Variants in SAMMSON observed in about 807,000 individuals in gnomAD.
SAMMSON encodes long intergenic non-protein coding RNA 1212.
At chr3:70,403,360 T>C (rs1036603233) in intron 2 of SAMMSON, among the ~76,000 whole-genome samples, 61 of 152,092 alleles carry the variant, frequency 4.0e-4, no homozygotes, top group African/African-American at 1.4e-3. Context: ...GGCACAAAAA[T>C]GGATTAACGT....
intron 7 of SAMMSON, among the ~76,000 whole-genome samples, chr3:70,314,890 A>G (rs559701180): frequency 5.9e-5 from 9 of 152,184 alleles, no homozygotes; most frequent in African/African-American, 2.2e-4. Flanking sequence ...GTTCATTTTT[A>G]TATACTTGTA....
chr3:70,207,899 A>G (rs1274118598), intron 4 of SAMMSON, among the ~76,000 whole-genome samples: 3 of 152,034 alleles, frequency 2.0e-5, no homozygotes, highest in South Asian at 2.1e-4. Context: ...TTCTCCTGCC[A>G]TGTAATGATT....
chr3:70,244,926 A>G (rs1701692652), intron 4 of SAMMSON, among the ~76,000 whole-genome samples: 1 of 152,204 alleles, frequency 6.6e-6, no homozygotes, highest in South Asian at 2.1e-4. Flanking sequence ...TCAGGACTAT[A>G]AATTCTGAAT....
chr3:70,351,004 G>A (rs114410778), intron 7 of SAMMSON, among the ~76,000 whole-genome samples: 255 of 152,262 alleles, frequency 1.7e-3, no homozygotes, highest in Non-Finnish European at 2.3e-3. Flanking sequence ...GCCTTGAGCA[G>A]TGGTTCTATA....
chr3:70,039,978 C>T (rs750970235), intron 3 of SAMMSON, among the ~76,000 whole-genome samples: 1 of 152,182 alleles, frequency 6.6e-6, no homozygotes, highest in Non-Finnish European at 1.5e-5. Context: ...ATTGTCAGTT[C>T]TTGCAAAGCT....
At chr3:70,418,594 A>T (rs1312854089) in intron 2 of SAMMSON, among the ~76,000 whole-genome samples, 3 of 152,156 alleles carry the variant, frequency 2.0e-5, no homozygotes, top group Non-Finnish European at 2.9e-5. Flanking sequence ...TAGACACTAC[A>T]ATTCCAACAG....
Position 70,310,798 on chromosome 3 carries a change from G to C in SAMMSON, n.739+19555G>C, listed in dbSNP as rs1702447399. Among the ~76,000 whole-genome samples, 3 of 152,156 alleles carry C rather than the reference G, an allele frequency of 2.0e-5. No homozygotes were observed. The South Asian group carries it at 6.2e-4, about 31-fold the overall frequency. On this transcript the variant is annotated intron_variant and non_coding_transcript_variant, in intron 7 of 9. Coordinates refer to ENST00000642114, the Ensembl canonical transcript of SAMMSON. ...CATTTTTGAGCACAGATCATGTTCT[G>C]ACGAGTAACTTAAACATTTTTTTTC... is the stretch of plus-strand genomic sequence containing the variant.
At chr3:70,231,360 C>T (rs1701558585) in intron 4 of SAMMSON, among the ~76,000 whole-genome samples, 1 of 152,204 alleles carries the variant, frequency 6.6e-6, no homozygotes, top group Admixed American at 6.5e-5. Context: ...TCTCTGGGAT[C>T]AAGCTGTCAA....
intron 7 of SAMMSON, among the ~76,000 whole-genome samples, chr3:70,292,203 G>A (rs543670451): frequency 5.0e-4 from 76 of 152,288 alleles, no homozygotes; most frequent in African/African-American, 1.7e-3. Context: ...ATGAATTGGA[G>A]ATAATAATAC....
At chr3:70,358,679 T>G (rs74570190) in intron 9 of SAMMSON, among the ~76,000 whole-genome samples, 4 of 144,530 alleles carry the variant, frequency 2.8e-5, no homozygotes, top group Non-Finnish European at 6.2e-5. Flanking sequence ...ATATCTTCTG[T>G]TTTTTTTTCT....
At chr3:70,110,760 G>C (rs1353577255) in intron 4 of SAMMSON, among the ~76,000 whole-genome samples, 1 of 152,272 alleles carries the variant, frequency 6.6e-6, no homozygotes, top group East Asian at 1.9e-4. Flanking sequence ...GATGAGGGCG[G>C]TGGTGAAAAG....
At chr3:70,356,489 T>C (rs1702830061) in intron 8 of SAMMSON, among the ~76,000 whole-genome samples, 1 of 152,114 alleles carries the variant, frequency 6.6e-6, no homozygotes. Context: ...ATTTTAAAAT[T>C]TTCTTGATAA....
At chr3:70,132,200 C>T (rs1354345685) in intron 4 of SAMMSON, among the ~76,000 whole-genome samples, 1 of 152,050 alleles carries the variant, frequency 6.6e-6, no homozygotes, top group South Asian at 2.1e-4. Flanking sequence ...TGATGCTGCC[C>T]CTCCTTTTTG....
chr3:70,213,567 G>C (rs1701370755), intron 4 of SAMMSON, among the ~76,000 whole-genome samples: 1 of 152,080 alleles, frequency 6.6e-6, no homozygotes, highest in Non-Finnish European at 1.5e-5. Flanking sequence ...ACATTTCAAG[G>C]TATAAGCTAC....
intron 7 of SAMMSON, among the ~76,000 whole-genome samples, chr3:70,344,978 C>T (rs1295550434): frequency 6.6e-6 from 1 of 152,188 alleles, no homozygotes; most frequent in African/African-American, 2.4e-5. Flanking sequence ...ACTTGGATGT[C>T]ATCGGTTCTA....
At chr3:70,216,823 A>T (rs1473083472) in intron 4 of SAMMSON, among the ~76,000 whole-genome samples, 1 of 152,070 alleles carries the variant, frequency 6.6e-6, no homozygotes, top group African/African-American at 2.4e-5. Flanking sequence ...ATGTCTGGAG[A>T]TAATGTTTAT....
At chr3:70,052,608 G>C (rs1455219969) in intron 3 of SAMMSON, among the ~76,000 whole-genome samples, 1 of 152,064 alleles carries the variant, frequency 6.6e-6, no homozygotes, top group Non-Finnish European at 1.5e-5. Flanking sequence ...TGGAATTCTG[G>C]CATTAATGTT....
In SAMMSON at chr3:70,004,781, T is replaced by C. The variant is rs561489296; in HGVS notation, n.22+4914T>C. Among the ~76,000 whole-genome samples the C allele has an allele frequency of 4.0e-5, 5 of 125,364 alleles. No individual in the cohort carries two copies. In the East Asian group the frequency reaches 1.0e-3, roughly 26 times the overall value. 82.2% of individuals were successfully genotyped at this position (125,364 alleles called of 152,430 possible). A position where few individuals can be genotyped will look rare whatever the true frequency, so the allele number is the denominator to read the frequency against. Reference sequence around the variant, plus strand: ...GGCAGTGAGTTCAGATAATGAGACATAAAGTTTTGTGGAGAACGTTATCTA... The same window carrying C: ...GGCAGTGAGTTCAGATAATGAGACACAAAGTTTTGTGGAGAACGTTATCTA... On this transcript the variant is annotated intron_variant and non_coding_transcript_variant, in intron 1 of 9. Coordinates refer to ENST00000642114, the Ensembl canonical transcript of SAMMSON.
chr3:70,287,319 G>A (rs941067130), intron 6 of SAMMSON, among the ~76,000 whole-genome samples: 12 of 145,630 alleles, frequency 8.2e-5, no homozygotes, highest in Admixed American at 8.2e-4. Context: ...AGATAATCAT[G>A]TGGTTTTTGT....
Sources: gnomAD v4.1 joint callset for allele counts (sites outside exome capture counted in the v4.1 genomes callset) on GRCh38, gnomAD v4.1.1 for gene constraint, MANE v1.5 for transcripts, NCBI Gene and HGNC (gene_info 2026-07-23, HGNC 2026-07-21) for gene names.